PIKFYVE: variants seen among roughly 807,000 people sequenced by gnomAD.
PIKFYVE encodes the protein phosphoinositide kinase, FYVE-type zinc finger containing, also known as 1-phosphatidylinositol 3-phosphate 5-kinase.
In PIKFYVE, 122 loss-of-function variants were observed where a neutral mutation model predicts 257.9. The observed-to-expected ratio is 0.47, with a 90% CI of 0.41 to 0.55. The LOEUF (loss-of-function observed/expected upper bound fraction) is 0.55. Ranked by LOEUF, PIKFYVE falls within the 20% of genes least tolerant of loss-of-function variation. The pLI is 0.00. For synonymous variants in PIKFYVE, 892 were observed against 868.9 expected (o/e 1.03, Z -0.47); for missense variants, 2,160 against 2,536.6 (o/e 0.85, Z 3.19).
In PIKFYVE at chr2:208,351,722, G is replaced by A. The variant is rs922044063; in HGVS notation, c.5715+267G>A. Among the ~76,000 whole-genome samples, 13 of 152,248 alleles carry A rather than the reference G, an allele frequency of 8.5e-5. 2 individuals carry two copies. Among genetic ancestry groups the A allele is most frequent in the Admixed American group, 6.5e-4 (10 of 15,274 alleles). On this transcript the variant is annotated intron_variant, in intron 38 of 41. Transcript: ENST00000264380. ...GCCAGCATGTCACATGGTGAGAGACGGAGCAAGAGAGCGGGGTTGGGGGTG... is the reference window on the plus strand; with the variant it reads ...GCCAGCATGTCACATGGTGAGAGACAGAGCAAGAGAGCGGGGTTGGGGGTG...
intron 10 of PIKFYVE, among the ~76,000 whole-genome samples, chr2:208,303,805 T>C (rs1559088318): frequency 1.3e-5 from 2 of 152,202 alleles, no homozygotes; most frequent in Non-Finnish European, 2.9e-5. Context: ...TGTGGCATGA[T>C]TGATTAAAAG....
chr2:208,347,501 C>T (rs1488537916), intron 34 of PIKFYVE, among the ~76,000 whole-genome samples: 1 of 152,174 alleles, frequency 6.6e-6, no homozygotes, highest in Non-Finnish European at 1.5e-5. Flanking sequence ...TGTAAGAACT[C>T]AGCCCTAATA....
intron 1 of PIKFYVE, among the ~76,000 whole-genome samples, chr2:208,268,877 A>C (rs1384415080): frequency 6.6e-6 from 1 of 151,864 alleles, no homozygotes; most frequent in Non-Finnish European, 1.5e-5. Flanking sequence ...TAAATTATTG[A>C]TCAGACAAAG....
At chr2:208,348,519 C>T (rs760319567) in intron 35 of PIKFYVE, among the ~76,000 whole-genome samples, 22 of 150,642 alleles carry the variant, frequency 1.5e-4, no homozygotes, top group Non-Finnish European at 2.4e-4. Flanking sequence ...GAGGCTGAGA[C>T]GGCAGGATCA....
chr2:208,333,598 C>T, intron 24 of PIKFYVE, 105 bp downstream of exon 24: 2 of 1,193,394 alleles, frequency 1.7e-6, no homozygotes, highest in South Asian at 2.6e-5. Flanking sequence ...TGTGGGATTC[C>T]CCATTTATAC....
intron 35 of PIKFYVE, among the ~76,000 whole-genome samples, chr2:208,348,630 G>GTGTGTGTA (rs1256993674): frequency 4.0e-5 from 6 of 151,262 alleles, no homozygotes; most frequent in African/African-American, 1.5e-4. Context: ...GTGTGTGTGT[G>GTGTGTGTA]TGTGTGTATC....
chr2:208,330,816 T>G (rs1387457784), intron 23 of PIKFYVE, 122 bp downstream of exon 23: 2 of 1,012,210 alleles, frequency 2.0e-6, no homozygotes, highest in Admixed American at 2.4e-5. Flanking sequence ...GAGCTCTATT[T>G]GTCATTGTTA....
intron 6 of PIKFYVE, among the ~76,000 whole-genome samples, chr2:208,287,892 C>A (rs983184128): frequency 6.6e-6 from 1 of 152,144 alleles, no homozygotes; most frequent in African/African-American, 2.4e-5. Context: ...CCATGCCCAG[C>A]CTTTTCTTAC....
intron 12 of PIKFYVE, chr2:208,305,587 A>G: frequency 1.6e-6 from 1 of 611,958 alleles, no homozygotes; most frequent in South Asian, 7.2e-5. Flanking sequence ...TTGATGCTTT[A>G]GTCTACTGGC....
chr2:208,320,174 AG>A (rs1239738110), intron 16 of PIKFYVE, 77 bp from the exon 17 acceptor site: 1 of 1,526,432 alleles, frequency 6.6e-7, no homozygotes, highest in African/African-American at 1.4e-5. Context: ...TGAACAATAT[AG>A]ATTTAAAGTT....
chr2:208,305,318 A>AT, intron 12 of PIKFYVE: 1 of 1,249,166 alleles, frequency 8.0e-7, no homozygotes, highest in South Asian at 1.7e-5. Context: ...ATTTCTTTGC[A>AT]TTTATAACAT....
chr2:208,327,204 A>G (rs1341818814), intron 20 of PIKFYVE, among the ~76,000 whole-genome samples: 1 of 152,228 alleles, frequency 6.6e-6, no homozygotes, highest in Non-Finnish European at 1.5e-5. Flanking sequence ...TGGCATGGAA[A>G]AACACCTTTC....
chr2:208,315,369 A>G lies in PIKFYVE; in HGVS notation c.2003A>G (p.Lys668Arg), dbSNP rs1695379208. 6.2e-7 allele frequency: 1 copy of G among 1,613,988 alleles called. No individual in the cohort carries two copies. The highest frequency in any genetic ancestry group is 8.5e-7 in the Non-Finnish European group (1 of 1,179,980). The part of the protein sequence containing the change: ...DMDIRQFVHI[K>R]KIPGGKKFDS... ...GATATCCGTCAGTTTGTCCACATCA[A>G]AAAAGTGAGCTCTGCTAATGTTTTA... is the stretch of plus-strand genomic sequence containing the variant. Residue 668 changes from lysine to arginine, a missense_variant, in exon 15 of 42, where the codon AAA (lysine) becomes AGA (arginine). Coordinates refer to ENST00000264380, the MANE Select transcript of PIKFYVE (RefSeq NM_015040.4).
chr2:208,320,783 G>A (rs898983363), intron 17 of PIKFYVE, among the ~76,000 whole-genome samples: 1 of 152,190 alleles, frequency 6.6e-6, no homozygotes. Flanking sequence ...TTTTTCCTAA[G>A]CAAGGAGGCC....
At chr2:208,350,134 G>A in intron 36 of PIKFYVE, 51 bp downstream of exon 36, 1 of 1,602,794 alleles carries the variant, frequency 6.2e-7, no homozygotes, top group Non-Finnish European at 8.5e-7. Flanking sequence ...CTACAGTTGA[G>A]CCATCTCTAT....
chr2:208,299,552 T>C (rs1051468849), intron 8 of PIKFYVE, among the ~76,000 whole-genome samples: 2 of 152,130 alleles, frequency 1.3e-5, no homozygotes, highest in Non-Finnish European at 2.9e-5. Flanking sequence ...CCTCACAAAG[T>C]GCTGGGATTA....
chr2:208,346,391 T>C (rs982435009), intron 34 of PIKFYVE, among the ~76,000 whole-genome samples: 1 of 152,192 alleles, frequency 6.6e-6, no homozygotes, highest in Admixed American at 6.5e-5. Context: ...CTTTGGTCTA[T>C]GCAAAAAGGA....
At chr2:208,340,648 C>T (rs1450358281) in intron 31 of PIKFYVE, among the ~76,000 whole-genome samples, 1 of 152,014 alleles carries the variant, frequency 6.6e-6, no homozygotes, top group Non-Finnish European at 1.5e-5. Flanking sequence ...CAAATGCTGC[C>T]CTTGTTATGG....
At chr2:208,270,276 A>G (rs1689245205) in intron 1 of PIKFYVE, among the ~76,000 whole-genome samples, 1 of 152,020 alleles carries the variant, frequency 6.6e-6, no homozygotes, top group South Asian at 2.1e-4. Context: ...TCCTGACTTC[A>G]GGTGATCCGT....
Sources: allele counts gnomAD v4.1 joint callset (sites outside exome capture counted in the v4.1 genomes callset), GRCh38; gene constraint gnomAD v4.1.1; transcripts MANE v1.5; gene names NCBI Gene and HGNC (gene_info 2026-07-23, HGNC 2026-07-21).